Variants in CLDN16 observed in about 807,000 individuals in gnomAD.
CLDN16 encodes the protein claudin-16.
CLDN16 carries 13 observed loss-of-function variants against 24.6 expected under a neutral mutation model. That is an observed-to-expected ratio of 0.53 (90% CI 0.34 to 0.84). CLDN16 has a LOEUF of 0.84. Among genes scored for constraint, CLDN16 ranks in the 40% least tolerant of loss-of-function variants. The pLI is 0.01. For missense variants in CLDN16, 298 were observed against 292.7 expected (o/e 1.02, Z -0.13); for synonymous variants, 116 against 106.7 (o/e 1.09, Z -0.54).
intron 3 of CLDN16, among the ~76,000 whole-genome samples, chr3:190,380,261 C>CCTTCCTTCCTTCCTTCCTTCCTTCCTTT (rs1560091564): frequency 6.7e-5 from 10 of 148,594 alleles, no homozygotes; most frequent in Admixed American, 1.4e-4. Flanking sequence ...TTCCTTTCTT[C>CCTTCCTTCCTTCCTTCCTTCCTTCCTTT]CTTCCTTCCT....
At position 190,335,053 on chromosome 3, in the gene CLDN16, TTTGC is replaced by T. The variant is rs1465795137; in HGVS notation, n.121+12395_121+12398del. Among the ~76,000 whole-genome samples the T allele has an allele frequency of 1.2e-3, 184 of 151,396 alleles. 1 individual carries two copies. The highest frequency in any genetic ancestry group is 4.3e-3 in the African/African-American group (176 of 41,250). ...TTTTTTTTTTTGTTTGTTGTGTTTG[TTTGC>T]TTTTGAGATGGAGTTTTGCTCTGTT... On this transcript the variant is annotated intron_variant and non_coding_transcript_variant, in intron 1 of 4. Coordinates refer to the CLDN16 transcript ENST00000468220.
At chr3:190,341,488 G>C (rs968378381) in intron 1 of CLDN16, among the ~76,000 whole-genome samples, 1 of 152,120 alleles carries the variant, frequency 6.6e-6, no homozygotes, top group African/African-American at 2.4e-5. Context: ...TGGGATGCAG[G>C]GTACCAAGTC....
intron 1 of CLDN16, among the ~76,000 whole-genome samples, chr3:190,359,453 G>A (rs1475530052): frequency 2.0e-5 from 3 of 151,998 alleles, no homozygotes; most frequent in African/African-American, 7.2e-5. Context: ...CAGCTTTATT[G>A]CAATCCTACA....
the CLDN16 span, among the ~76,000 whole-genome samples, chr3:190,310,437 A>T: frequency 6.6e-6 from 1 of 152,162 alleles, no homozygotes; most frequent in Non-Finnish European, 1.5e-5. Context: ...ATTAAAATAT[A>T]AAAAAATACT....
At chr3:190,294,496 C>T in the CLDN16 span, among the ~76,000 whole-genome samples, 34 of 152,022 alleles carry the variant, frequency 2.2e-4, no homozygotes, top group South Asian at 4.2e-4. Context: ...GGATTGTGCA[C>T]GCTTTTACTT....
intron 1 of CLDN16, among the ~76,000 whole-genome samples, chr3:190,326,201 C>T (rs1717056977): frequency 6.6e-6 from 1 of 152,110 alleles, no homozygotes; most frequent in Non-Finnish European, 1.5e-5. Flanking sequence ...AAAATAGTAG[C>T]TGGTATAGAG....
At chr3:190,332,836 AT>A (rs199892344) in intron 1 of CLDN16, among the ~76,000 whole-genome samples, 3,701 of 152,132 alleles carry the variant, frequency 0.024, 151 homozygotes, top group African/African-American at 0.085. Context: ...AAGAAACTGA[AT>A]AAAAATAGTC....
intron 1 of CLDN16, among the ~76,000 whole-genome samples, chr3:190,344,313 C>T (rs1399872586): frequency 1.3e-5 from 2 of 151,820 alleles, no homozygotes; most frequent in Non-Finnish European, 2.9e-5. Context: ...TATGCATGCA[C>T]CTCCAAGAAG....
chr3:190,312,497 T>G, the CLDN16 span, among the ~76,000 whole-genome samples: 1 of 152,228 alleles, frequency 6.6e-6, no homozygotes, highest in Non-Finnish European at 1.5e-5. Flanking sequence ...GGTTCACATA[T>G]TCTTGTGTTT....
intron 3 of CLDN16, among the ~76,000 whole-genome samples, chr3:190,378,026 G>A (rs1718281817): frequency 6.6e-6 from 1 of 151,886 alleles, no homozygotes; most frequent in African/African-American, 2.4e-5. Context: ...ATGTTCTCTG[G>A]AGTCAGTCAA....
chr3:190,366,749 A>G (rs905575588), intron 1 of CLDN16, among the ~76,000 whole-genome samples: 2 of 151,900 alleles, frequency 1.3e-5, no homozygotes, highest in Non-Finnish European at 2.9e-5. Flanking sequence ...GCTTTCCAGG[A>G]GGGAGGGTAT....
the CLDN16 span, among the ~76,000 whole-genome samples, chr3:190,299,023 T>C: frequency 6.6e-6 from 1 of 152,218 alleles, no homozygotes; most frequent in Non-Finnish European, 1.5e-5. Flanking sequence ...ATAATGTTAG[T>C]ATTCCTTTCA....
chr3:190,375,402 A>G (rs1302966890), intron 3 of CLDN16, among the ~76,000 whole-genome samples: 2 of 151,928 alleles, frequency 1.3e-5, no homozygotes, highest in Admixed American at 6.6e-5. Flanking sequence ...GCTATTGGCC[A>G]TTGCAGGAAC....
chr3:190,382,347 G>A (rs1718387948), intron 3 of CLDN16, among the ~76,000 whole-genome samples: 1 of 152,086 alleles, frequency 6.6e-6, no homozygotes, highest in Non-Finnish European at 1.5e-5. Context: ...TGAATTTGAG[G>A]CTGATTTTTG....
intron 3 of CLDN16, among the ~76,000 whole-genome samples, chr3:190,405,247 G>A (rs1356121444): frequency 6.6e-6 from 1 of 151,954 alleles, no homozygotes; most frequent in Non-Finnish European, 1.5e-5. Flanking sequence ...TGGCCATCAT[G>A]GTGAAACCCT....
chr3:190,403,173 C>T (rs1719005646), intron 2 of CLDN16, among the ~76,000 whole-genome samples: 1 of 151,834 alleles, frequency 6.6e-6, no homozygotes, highest in African/African-American at 2.4e-5. Context: ...AATAAAATTA[C>T]CAAAAAAAGT....
At chr3:190,305,044 A>G in the CLDN16 span, among the ~76,000 whole-genome samples, 1 of 152,240 alleles carries the variant, frequency 6.6e-6, no homozygotes, top group Admixed American at 6.5e-5. Context: ...TCAGATATTT[A>G]AATTCTGTAG....
the CLDN16 span, among the ~76,000 whole-genome samples, chr3:190,298,613 G>A: frequency 3.3e-5 from 5 of 152,006 alleles, no homozygotes; most frequent in Non-Finnish European, 4.4e-5. Context: ...GTGCCACCAC[G>A]CCCAGCTAAT....
In CLDN16 at chr3:190,388,445, T is replaced by A; in HGVS notation, c.114+2T>A. 6.2e-7 allele frequency: 1 copy of A among 1,613,794 alleles called. No individual in the cohort carries two copies. On this transcript the variant is annotated splice_donor_variant, in intron 1 of 4. Coordinates refer to ENST00000264734, the MANE Select transcript of CLDN16 (RefSeq NM_006580.4). LOFTEE classifies it high-confidence loss of function. Reference sequence around the variant, plus strand: ...GTGAATGCTGATGACTCTCTGGAGGTAAGAAGATAGCAGCTTCTTTTCATG... The same window carrying A: ...GTGAATGCTGATGACTCTCTGGAGGAAAGAAGATAGCAGCTTCTTTTCATG...
Sources: allele counts gnomAD v4.1 joint callset (sites outside exome capture counted in the v4.1 genomes callset), GRCh38; gene constraint gnomAD v4.1.1; transcripts MANE v1.5; gene names NCBI Gene and HGNC (gene_info 2026-07-23, HGNC 2026-07-21).